Variants in PTPRS observed in about 807,000 individuals in gnomAD.
PTPRS encodes the protein protein tyrosine phosphatase receptor type S, also known as receptor-type tyrosine-protein phosphatase S.
A neutral mutation model predicts 215.3 loss-of-function variants in PTPRS; 63 were observed. That is an observed-to-expected ratio of 0.29 (90% CI 0.24 to 0.36). PTPRS has a LOEUF of 0.36. PTPRS is among the 10% of genes least tolerant of loss of function. PTPRS has a pLI of 1.00. For missense variants in PTPRS, 2,258 were observed against 2,825.8 expected, an observed-to-expected ratio of 0.80 and a Z score of 4.56; for synonymous variants, 1,404 against 1,191.4, an observed-to-expected ratio of 1.18 and a Z score of -3.68.
Position 5,222,976 on chromosome 19 carries a change from C to G in PTPRS, c.2816G>C (p.Gly939Ala). Residue 939 changes from glycine to alanine, a missense_variant, in exon 18 of 38, where the codon GGC (glycine) becomes GCC (alanine). By Grantham distance (60) the Gly-to-Ala change is moderately conservative. This residue lies in a region of PTPRS where 361 missense variants were observed against 332.6 expected (regional missense o/e 1.09). Coordinates refer to ENST00000262963, the MANE Select transcript of PTPRS (RefSeq NM_002850.4). ...RGHPQILEAA[G>A]NASAGTVLLR... ...AAGGACGGTCCCGGCCGAGGCGTTGCCGGCCGCCTCCAGAATCTGCGGGTG... is the reference window on the plus strand; with the variant it reads ...AAGGACGGTCCCGGCCGAGGCGTTGGCGGCCGCCTCCAGAATCTGCGGGTG... The G allele has an allele frequency of 6.5e-7, 1 of 1,540,716 alleles. No homozygotes were observed. The highest frequency in any genetic ancestry group is 8.7e-7 in the Non-Finnish European group (1 of 1,147,692).
At chr19:5,274,456 T>A in intron 2 of PTPRS, 112 bp from the exon 3 acceptor site, 1 of 1,267,276 alleles carries the variant, frequency 7.9e-7, no homozygotes, top group South Asian at 1.5e-5. Flanking sequence ...AAGTGCCATG[T>A]GGCCAATGAA....
intron 30 of PTPRS, 149 bp downstream of exon 30, chr19:5,214,212 G>C: frequency 8.8e-7 from 1 of 1,134,708 alleles, no homozygotes; most frequent in East Asian, 2.6e-5. Flanking sequence ...CCACGGAAGT[G>C]GGTTCCATGA....
intron 1 of PTPRS, among the ~76,000 whole-genome samples, chr19:5,300,009 A>AGTGGGTGGATTGCTTGATGCCAGGAGTTT (rs1163180263): frequency 2.6e-5 from 4 of 151,870 alleles, no homozygotes; most frequent in African/African-American, 9.7e-5. Context: ...GGGAGGCCAA[A>AGTGGGTGGATTGCTTGATGCCAGGAGTTT]GTGGGTGGAT....
intron 1 of PTPRS, among the ~76,000 whole-genome samples, chr19:5,290,865 C>G (rs912921909): frequency 6.6e-6 from 1 of 151,912 alleles, no homozygotes; most frequent in Non-Finnish European, 1.5e-5. Flanking sequence ...AGGACTGGAC[C>G]CTGGCCTCCA....
chr19:5,338,996 G>A lies in PTPRS; in HGVS notation c.-95+1668C>T, dbSNP rs2050597960. Among the ~76,000 whole-genome samples, 1 of 152,210 alleles carries A rather than the reference G, an allele frequency of 6.6e-6. No homozygotes were observed. The highest frequency in any genetic ancestry group is 1.5e-5 in the Non-Finnish European group (1 of 68,038). On this transcript the variant is annotated intron_variant, in intron 1 of 37. Transcript: ENST00000262963. This position sits in a 1 kb window ranked among gnomAD's most constrained non-coding sequence, Gnocchi z 4.2. ...GGTGGCGGACGGGAGCCCGGAGCGTGTGGGTCCCTGTCCTTGGGACCCTAG... is the reference window on the plus strand; with the variant it reads ...GGTGGCGGACGGGAGCCCGGAGCGTATGGGTCCCTGTCCTTGGGACCCTAG...
chr19:5,242,299 C>T (rs142118729), intron 11 of PTPRS, among the ~76,000 whole-genome samples: 51 of 152,328 alleles, frequency 3.3e-4, no homozygotes, highest in African/African-American at 9.6e-4. Context: ...GGGATCTACC[C>T]GGGTGTTTGA....
At chr19:5,273,897 G>A (rs888887285) in intron 3 of PTPRS, among the ~76,000 whole-genome samples, 6 of 152,238 alleles carry the variant, frequency 3.9e-5, no homozygotes, top group Non-Finnish European at 8.8e-5. Flanking sequence ...CAATGTGCAC[G>A]TGTGATCATG....
intron 12 of PTPRS, 142 bp downstream of exon 12, chr19:5,240,057 C>T (rs1013581199): frequency 4.3e-5 from 44 of 1,018,478 alleles, no homozygotes; most frequent in African/African-American, 8.4e-5. Context: ...GGGACAGAGA[C>T]GCAGGAGAAG....
Position 5,214,238 on chromosome 19 carries a change from G to C in PTPRS, c.4614+123C>G, listed in dbSNP as rs970065617. ...GGTTCCATGAGAATGTAGTCAGCCT[G>C]GGTAGACACGCTCCGCTTTCTCTCT... On this transcript the variant is annotated intron_variant, in intron 30 of 37. Transcript: ENST00000262963. 14 of 1,375,400 alleles carry C rather than the reference G, an allele frequency of 1.0e-5. No individual in the cohort carries two copies. In the East Asian group the frequency reaches 3.4e-4, roughly 34 times the overall value. 85.2% of individuals were successfully genotyped at this position (1,375,400 alleles called of 1,614,324 possible). A position where few individuals can be genotyped will look rare whatever the true frequency, so the allele number is the denominator to read the frequency against.
At position 5,249,835 on chromosome 19, in the gene PTPRS, G is replaced by A. The variant is rs1005678895; in HGVS notation, c.719-3790C>T. Reference sequence around the variant, plus strand: ...GTAAGATCTAGCTTTAGGATCTAAAGGTTAAGTGCCAGGCCAATTTATCTA... The same window carrying A: ...GTAAGATCTAGCTTTAGGATCTAAAAGTTAAGTGCCAGGCCAATTTATCTA... On this transcript the variant is annotated intron_variant, in intron 9 of 37. Transcript: ENST00000262963. 4.6e-5 allele frequency among the ~76,000 whole-genome samples: 7 copies of A among 152,310 alleles called. No individual in the cohort carries two copies. In the East Asian group the frequency reaches 7.7e-4, roughly 17 times the overall value.
In PTPRS at chr19:5,274,290, A is replaced by G. The variant is rs774466489; in HGVS notation, c.146T>C (p.Val49Ala). ...CGTGGCCTGACACACGAAAGAGGCC[A>G]CACCCCCCGACACGCCGATCTGGTC... Reference protein sequence around the residue: ...PKDQIGVSGGVASFVCQATGD... With the variant: ...PKDQIGVSGGAASFVCQATGD... Residue 49 changes from valine (V) to alanine (A), a missense_variant, in exon 3 of 38, where the codon GTG becomes GCG. Transcript: ENST00000262963. The G allele has an allele frequency of 1.2e-6, 2 of 1,612,944 alleles. No individual in the cohort carries two copies. The highest frequency in any genetic ancestry group is 1.1e-5 in the South Asian group (1 of 91,014).
At chr19:5,260,000 T>G (rs1387389631) in intron 7 of PTPRS, among the ~76,000 whole-genome samples, 2 of 152,086 alleles carry the variant, frequency 1.3e-5, no homozygotes, top group Admixed American at 1.3e-4. Context: ...ACACTGATTC[T>G]TCCCCAGGTT....
At position 5,237,181 on chromosome 19, in the gene PTPRS, C is replaced by G. The variant is rs961599360; in HGVS notation, c.1849+1738G>C. On this transcript the variant is annotated intron_variant, in intron 13 of 37. Coordinates refer to ENST00000262963, the MANE Select transcript of PTPRS (RefSeq NM_002850.4). This position sits in a 1 kb window ranked among gnomAD's most constrained non-coding sequence, Gnocchi z 4.2. ...CCTGCTCCAGCCCCCAGCGTGCGCACGCTGAGGTTCCAGGCTGGAGGCAGG... is the reference window on the plus strand; with the variant it reads ...CCTGCTCCAGCCCCCAGCGTGCGCAGGCTGAGGTTCCAGGCTGGAGGCAGG... 2.1e-4 allele frequency among the ~76,000 whole-genome samples: 32 copies of G among 152,192 alleles called. No individual in the cohort carries two copies. The highest frequency in any genetic ancestry group is 4.0e-4 in the Non-Finnish European group (27 of 68,042).
intron 4 of PTPRS, among the ~76,000 whole-genome samples, chr19:5,269,685 G>C (rs1025061584): frequency 6.6e-6 from 1 of 152,168 alleles, no homozygotes; most frequent in Non-Finnish European, 1.5e-5. Flanking sequence ...ACTTTGGGAG[G>C]CTGAGGAGGT....
At chr19:5,226,323 C>T (rs147064635) in intron 16 of PTPRS, among the ~76,000 whole-genome samples, 300 of 152,254 alleles carry the variant, frequency 2.0e-3, no homozygotes, top group African/African-American at 6.8e-3. Context: ...GGCCTTCCCC[C>T]CTGTCTACAC....
Position 5,219,323 on chromosome 19 carries a change from G to A in PTPRS, c.3910C>T (p.Leu1304=). ...VFIICIVIAI[L]LYKNKPDSKR... ...CATGGGGCTTACTTCTTGTAGAGCA[G>A]GATAGCAATGACAATGCAGATTATG... Residue 1304 remains leucine, a synonymous_variant, in exon 23 of 38, where the codon CTG becomes TTG. Coordinates refer to ENST00000262963, the MANE Select transcript of PTPRS (RefSeq NM_002850.4). 1 of 1,614,108 alleles carries A rather than the reference G, an allele frequency of 6.2e-7. No individual in the cohort carries two copies. The highest frequency in any genetic ancestry group is 8.5e-7 in the Non-Finnish European group (1 of 1,180,000).
intron 3 of PTPRS, 73 bp from the exon 4 acceptor site, chr19:5,273,656 G>T (rs924525743): frequency 6.4e-7 from 1 of 1,572,514 alleles, no homozygotes; most frequent in Admixed American, 1.8e-5. Context: ...GGCTGGGCTA[G>T]GCTGGGCTGT....
intron 1 of PTPRS, among the ~76,000 whole-genome samples, chr19:5,327,300 C>A (rs957597231): frequency 6.6e-6 from 1 of 152,204 alleles, no homozygotes; most frequent in Admixed American, 6.5e-5. Context: ...TTTATGATAT[C>A]TTAGCCAGTT....
At chr19:5,246,740 C>T (rs1003268944) in intron 9 of PTPRS, among the ~76,000 whole-genome samples, 2 of 152,194 alleles carry the variant, frequency 1.3e-5, no homozygotes, top group Non-Finnish European at 1.5e-5. Context: ...CCCCTCCGAC[C>T]GGGCCCTCCA....
Sources: allele counts gnomAD v4.1 joint callset (sites outside exome capture counted in the v4.1 genomes callset), GRCh38; gene constraint gnomAD v4.1.1; regional missense constraint gnomAD v4.1.1; non-coding constraint Gnocchi (gnomAD v3.1); transcripts MANE v1.5; gene names NCBI Gene and HGNC (gene_info 2026-07-23, HGNC 2026-07-21).